PRAMEF20: variants seen among roughly 807,000 people sequenced by gnomAD.
PRAMEF20 encodes the protein PRAME family member 20/21.
In PRAMEF20, 27 loss-of-function variants were observed where a neutral mutation model predicts 32.4. That is an observed-to-expected ratio of 0.83 (90% CI 0.61 to 1.15). PRAMEF20 has a LOEUF of 1.15. PRAMEF20 is among the 50% of genes most tolerant of loss of function. The probability of loss-of-function intolerance (pLI) is 0.00; values close to 1 mark genes in which losing one functional copy is unlikely to be tolerated. For missense variants in PRAMEF20, 604 were observed against 584.5 expected (o/e 1.03, Z -0.34); for synonymous variants, 256 against 235.4 (o/e 1.09, Z -0.80).
upstream of PRAMEF20, among the ~76,000 whole-genome samples, chr1:13,414,446 T>C (rs1641143754): frequency 1.3e-5 from 2 of 151,824 alleles, no homozygotes; most frequent in African/African-American, 2.4e-5. Context: ...TTTTACAAGT[T>C]AGGTTTTCCT....
intron 2 of PRAMEF20, among the ~76,000 whole-genome samples, chr1:13,419,523 G>A (rs1204924239): frequency 6.6e-6 from 1 of 151,860 alleles, no homozygotes; most frequent in Admixed American, 6.6e-5. Flanking sequence ...CAGGGTTCAC[G>A]CCATTCTCCT....
upstream of PRAMEF20, among the ~76,000 whole-genome samples, chr1:13,414,410 A>C (rs1181868809): frequency 2.0e-5 from 3 of 151,798 alleles, no homozygotes; most frequent in Non-Finnish European, 4.4e-5. Flanking sequence ...CTTAAATTAT[A>C]GTTCATAGAC....
upstream of PRAMEF20, among the ~76,000 whole-genome samples, chr1:13,415,129 G>T (rs910995847): frequency 6.9e-5 from 10 of 145,698 alleles, no homozygotes; most frequent in Non-Finnish European, 1.2e-4. Flanking sequence ...GCCCAGGCTG[G>T]AGTGCAGTGG....
At chr1:13,411,903 T>G (rs1641117778), upstream of PRAMEF20, among the ~76,000 whole-genome samples, 1 of 152,138 alleles carries the variant, frequency 6.6e-6, no homozygotes, top group African/African-American at 2.4e-5. Flanking sequence ...GTCCCAGTGG[T>G]AATTTTTGCC....
At chr1:13,414,485 G>T (rs1430630121), upstream of PRAMEF20, among the ~76,000 whole-genome samples, 2 of 150,692 alleles carry the variant, frequency 1.3e-5, no homozygotes, top group Non-Finnish European at 3.0e-5. Flanking sequence ...TTGAGACAGG[G>T]TTTCACCCTG....
intron 1 of PRAMEF20, among the ~76,000 whole-genome samples, chr1:13,417,093 G>A (rs960189915): frequency 5.9e-5 from 9 of 152,112 alleles, no homozygotes; most frequent in Admixed American, 2.0e-4. Context: ...AAGATGGCAC[G>A]GACCCAAAGA....
exon 1 of PRAMEF20, chr1:13,416,488 G>A: frequency 6.2e-7 from 1 of 1,614,132 alleles, no homozygotes; most frequent in Admixed American, 1.7e-5. Context: ...GAGGCCTTCA[G>A]CAGGAGACAC....
chr1:13,411,917 C>T (rs1340948497), upstream of PRAMEF20, among the ~76,000 whole-genome samples: 1 of 152,066 alleles, frequency 6.6e-6, no homozygotes. Context: ...TTTTGCCCAC[C>T]CATGACAAGA....
chr1:13,413,265 T>G (rs1192020549), upstream of PRAMEF20, among the ~76,000 whole-genome samples: 1 of 152,202 alleles, frequency 6.6e-6, no homozygotes, highest in Non-Finnish European at 1.5e-5. Context: ...TGGATGAATA[T>G]CTAATTCAAT....
upstream of PRAMEF20, among the ~76,000 whole-genome samples, chr1:13,411,764 G>T (rs1288949384): frequency 6.6e-6 from 1 of 152,176 alleles, no homozygotes; most frequent in Non-Finnish European, 1.5e-5. Context: ...TGGGCAAAGT[G>T]ATTTGGTTTG....
At chr1:13,413,946 A>G (rs1299542202), upstream of PRAMEF20, among the ~76,000 whole-genome samples, 2 of 152,154 alleles carry the variant, frequency 1.3e-5, no homozygotes, top group African/African-American at 4.8e-5. Context: ...ATTTTTCTCT[A>G]AATGCAGGTT....
At position 13,416,454 on chromosome 1, in the gene PRAMEF20, G is replaced by T; in HGVS notation, c.100G>T (p.Glu34Ter). The change falls in exon 1 of 3, where the codon GAA (glutamate) becomes TAA (stop). Residue 34 changes from glutamate (E) to a stop codon, truncating the protein, a stop_gained. Transcript: ENST00000602960. LOFTEE classifies it high-confidence loss of function. ...CTCCACCCTGGAGGAGCTGCCCACG[G>T]AACTTTTTCCCCCATTGTTCATGGA... 4 of 1,614,078 alleles carry T rather than the reference G, an allele frequency of 2.5e-6. No homozygotes were observed. The highest frequency in any genetic ancestry group is 3.4e-6 in the Non-Finnish European group (4 of 1,179,964).
At chr1:13,418,017 G>A (rs933168344) in intron 1 of PRAMEF20, 105 bp from the exon 3 acceptor site, 34 of 1,574,638 alleles carry the variant, frequency 2.2e-5, no homozygotes, top group Non-Finnish European at 2.7e-5. Context: ...CTTGTGATCC[G>A]CCCGCCTTGG....
At chr1:13,421,035 T>C in exon 3 of PRAMEF20, 1 of 1,613,900 alleles carries the variant, frequency 6.2e-7, no homozygotes, top group South Asian at 1.1e-5. Context: ...TGCCACACAA[T>C]CAGACTCAAC....
At chr1:13,418,596 G>A in exon 2 of PRAMEF20, 3 of 1,613,972 alleles carry the variant, frequency 1.9e-6, no homozygotes, top group Non-Finnish European at 8.5e-7. Context: ...AGAAGAAGGA[G>A]TTTGTTACCC....
At chr1:13,418,052 G>A in intron 1 of PRAMEF20, 70 bp from the exon 3 acceptor site, 14 of 1,609,022 alleles carry the variant, frequency 8.7e-6, no homozygotes, top group South Asian at 5.5e-5. Context: ...GGGATTACAA[G>A]CGTGAGCCAC....
At chr1:13,415,516 C>T (rs1421209827), upstream of PRAMEF20, among the ~76,000 whole-genome samples, 1 of 152,130 alleles carries the variant, frequency 6.6e-6, no homozygotes. Context: ...AGCAGAGGCT[C>T]ATGCCTGTAA....
chr1:13,420,981 TC>T lies in PRAMEF20; in HGVS notation c.1153del (p.Arg385ValfsTer53), dbSNP rs1641236475. ...TGCTTTGAGCTCACCACCTTCAGCTTCCGTGGAAATCCCATCTCCACGGCCA... is the reference window on the plus strand; with the variant it reads ...TGCTTTGAGCTCACCACCTTCAGCTTCGTGGAAATCCCATCTCCACGGCCA... On this transcript the variant is annotated frameshift_variant, in exon 3 of 3. Coordinates refer to ENST00000602960, the Ensembl canonical transcript of PRAMEF20. LOFTEE classifies it high-confidence loss of function. 1 of 1,613,648 alleles carries T rather than the reference TC, an allele frequency of 6.2e-7. No homozygotes were observed. The highest frequency in any genetic ancestry group is 8.5e-7 in the Non-Finnish European group (1 of 1,179,858).
At chr1:13,418,336 T>C (rs1365171862) in exon 2 of PRAMEF20, 24 of 1,613,732 alleles carry the variant, frequency 1.5e-5, no homozygotes, top group East Asian at 6.7e-5. Flanking sequence ...CACCTGCCTC[T>C]TTCTATGGGT....
Sources: allele counts gnomAD v4.1 joint callset (sites outside exome capture counted in the v4.1 genomes callset), GRCh38; gene constraint gnomAD v4.1.1; transcripts MANE v1.5; gene names NCBI Gene and HGNC (gene_info 2026-07-23, HGNC 2026-07-21).